GLMN: variants seen among roughly 807,000 people sequenced by gnomAD.
The protein encoded by GLMN is glomulin, FKBP associated protein.
GLMN carries 75 observed loss-of-function variants against 87.8 expected under a neutral mutation model. The ratio of observed to expected loss-of-function variants is 0.85; its 90% CI spans 0.71 to 1.04. The LOEUF (loss-of-function observed/expected upper bound fraction) is 1.04. Among genes scored for constraint, GLMN ranks in the 50% least tolerant of loss-of-function variants. The pLI is 0.00. For synonymous variants in GLMN, 206 were observed against 221.6 expected, an observed-to-expected ratio of 0.93 and a Z score of 0.63; for missense variants, 588 against 658.8, an observed-to-expected ratio of 0.89 and a Z score of 1.18.
At chr1:92,299,305 C>T (rs911090249), upstream of GLMN, among the ~76,000 whole-genome samples, 10 of 152,230 alleles carry the variant, frequency 6.6e-5, no homozygotes, top group Non-Finnish European at 1.5e-4. Context: ...TCCGCACCTC[C>T]TGGGAAAGAT....
intron 7 of GLMN, among the ~76,000 whole-genome samples, chr1:92,280,703 G>A (rs1312981589): frequency 1.4e-5 from 2 of 139,258 alleles, no homozygotes; most frequent in African/African-American, 3.3e-5. Flanking sequence ...CCATCACAAG[G>A]AGGATAAAAA....
At chr1:92,279,616 G>A (rs1356795303) in intron 7 of GLMN, among the ~76,000 whole-genome samples, 1 of 152,154 alleles carries the variant, frequency 6.6e-6, no homozygotes, top group Non-Finnish European at 1.5e-5. Flanking sequence ...GACAGTGGGT[G>A]CAGCCCACGG....
At chr1:92,248,333 C>T (rs916509703) in intron 16 of GLMN, 3 of 202,116 alleles carry the variant, frequency 1.5e-5, no homozygotes, top group Non-Finnish European at 1.0e-5. Flanking sequence ...TTATTTATGC[C>T]TTCATCCCAA....
chr1:92,323,579 A>G, the GLMN span: 61 of 1,614,020 alleles, frequency 3.8e-5, no homozygotes, highest in South Asian at 6.4e-4. Flanking sequence ...AGTGACAATG[A>G]GCAAGACTTT....
chr1:92,300,935 A>G (rs1428344056), upstream of GLMN, among the ~76,000 whole-genome samples: 1 of 152,262 alleles, frequency 6.6e-6, no homozygotes, highest in Non-Finnish European at 1.5e-5. Flanking sequence ...AAACAAATAC[A>G]TAATTACAAA....
chr1:92,354,527 T>C, the GLMN span, among the ~76,000 whole-genome samples: 1 of 152,236 alleles, frequency 6.6e-6, no homozygotes, highest in African/African-American at 2.4e-5. Context: ...CAAAGAACTT[T>C]TTTCTTTTGA....
At chr1:92,331,121 T>C in the GLMN span, among the ~76,000 whole-genome samples, 1 of 152,340 alleles carries the variant, frequency 6.6e-6, no homozygotes, top group Admixed American at 6.5e-5. Context: ...ATTTTACTTT[T>C]TGAGACCATG....
intron 3 of GLMN, among the ~76,000 whole-genome samples, chr1:92,294,969 G>A (rs576548754): frequency 6.6e-6 from 1 of 152,174 alleles, no homozygotes; most frequent in Non-Finnish European, 1.5e-5. Flanking sequence ...ATGAACCACT[G>A]TGCCCAGCCT....
chr1:92,334,621 G>A, the GLMN span, among the ~76,000 whole-genome samples: 1 of 152,156 alleles, frequency 6.6e-6, no homozygotes, highest in Non-Finnish European at 1.5e-5. Context: ...GCTGAGGCAA[G>A]GGGATCACCT....
intron 16 of GLMN, among the ~76,000 whole-genome samples, chr1:92,262,052 G>C (rs1041112981): frequency 6.6e-6 from 1 of 151,934 alleles, no homozygotes; most frequent in African/African-American, 2.4e-5. Flanking sequence ...ATGAACGGGG[G>C]TTCAAATCAC....
At chr1:92,282,487 A>C (rs1648188050) in intron 7 of GLMN, among the ~76,000 whole-genome samples, 1 of 152,236 alleles carries the variant, frequency 6.6e-6, no homozygotes, top group African/African-American at 2.4e-5. Context: ...GAGTAGAGGG[A>C]AATTTATAGC....
At chr1:92,323,075 TTA>T in the GLMN span, among the ~76,000 whole-genome samples, 43 of 144,808 alleles carry the variant, frequency 3.0e-4, no homozygotes, top group African/African-American at 4.0e-4. Context: ...ATATATATAT[TTA>T]TATATATATA....
chr1:92,252,592 C>T (rs1251293922), intron 16 of GLMN, among the ~76,000 whole-genome samples: 1 of 149,786 alleles, frequency 6.7e-6, no homozygotes, highest in Non-Finnish European at 1.5e-5. Flanking sequence ...TTCTGTTCAG[C>T]ATAATTCCAC....
chr1:92,353,757 C>T, the GLMN span, among the ~76,000 whole-genome samples: 7 of 152,094 alleles, frequency 4.6e-5, no homozygotes, highest in Non-Finnish European at 1.0e-4. Context: ...TATTTCTATA[C>T]GTTCCCATAC....
At chr1:92,307,371 T>TA in the GLMN span, 2 of 782,734 alleles carry the variant, frequency 2.6e-6, no homozygotes, top group Non-Finnish European at 4.0e-6. Context: ...TAGTTTTCTG[T>TA]AAAAAGTTAC....
At chr1:92,262,825 G>A (rs1350002819) in intron 16 of GLMN, 38 bp downstream of exon 16, 1 of 846,996 alleles carries the variant, frequency 1.2e-6, no homozygotes, top group Non-Finnish European at 2.0e-6. Context: ...TATGCCTTTT[G>A]AATATACTCA....
the GLMN span, chr1:92,320,513 C>T: frequency 1.0e-4 from 107 of 1,039,684 alleles, no homozygotes; most frequent in South Asian, 1.3e-3. Context: ...CCTCGAGATC[C>T]GCCTGCCCAG....
the GLMN span, chr1:92,323,641 C>T: frequency 6.2e-7 from 1 of 1,613,768 alleles, no homozygotes; most frequent in Non-Finnish European, 8.5e-7. Flanking sequence ...TATTAGACCA[C>T]AGCTGCACCA....
At chr1:92,309,387 A>T in the GLMN span, among the ~76,000 whole-genome samples, 1 of 151,480 alleles carries the variant, frequency 6.6e-6, no homozygotes, top group African/African-American at 2.4e-5. Flanking sequence ...GGTTGCAGTG[A>T]GCTGAGATCG....
Sources: allele counts gnomAD v4.1 joint callset (sites outside exome capture counted in the v4.1 genomes callset), GRCh38; gene constraint gnomAD v4.1.1; transcripts MANE v1.5; gene names NCBI Gene and HGNC (gene_info 2026-07-23, HGNC 2026-07-21).